LMOD1: variants seen among roughly 807,000 people sequenced by gnomAD.
LMOD1 encodes leiomodin-1.
LMOD1 carries 8 observed loss-of-function variants against 36.5 expected under a neutral mutation model. That is an observed-to-expected ratio of 0.22 (90% CI 0.13 to 0.40). The LOEUF is 0.40. Ranked by LOEUF, LMOD1 falls within the 10% of genes least tolerant of loss-of-function variation. The pLI is 1.00. For synonymous variants in LMOD1, 284 were observed against 288.7 expected (o/e 0.98, Z 0.17); for missense variants, 630 against 751.1 (o/e 0.84, Z 1.88).
At chr1:201,922,414 G>T (rs1022464957) in intron 1 of LMOD1, among the ~76,000 whole-genome samples, 4 of 152,112 alleles carry the variant, frequency 2.6e-5, no homozygotes, top group African/African-American at 7.2e-5. Context: ...GCCATTAAAA[G>T]GAATAAAGTA....
intron 1 of LMOD1, among the ~76,000 whole-genome samples, chr1:201,902,139 A>T (rs1681342002): frequency 6.6e-6 from 1 of 151,962 alleles, no homozygotes. Flanking sequence ...TCATTAAAAT[A>T]AGAAGGAGCT....
At chr1:201,935,319 CTTT>C (rs35542093) in intron 1 of LMOD1, among the ~76,000 whole-genome samples, 15 of 138,224 alleles carry the variant, frequency 1.1e-4, no homozygotes, top group Admixed American at 1.4e-4. Flanking sequence ...ATTTGATGTC[CTTT>C]TTTTTTTTTT....
chr1:201,929,217 C>A (rs1681879094), intron 1 of LMOD1, among the ~76,000 whole-genome samples: 1 of 151,980 alleles, frequency 6.6e-6, no homozygotes, highest in Non-Finnish European at 1.5e-5. Flanking sequence ...ATTCTCCTGC[C>A]TCAGCCTCCC....
At chr1:201,902,625 T>C (rs1024677549) in intron 1 of LMOD1, among the ~76,000 whole-genome samples, 2 of 152,110 alleles carry the variant, frequency 1.3e-5, no homozygotes, top group African/African-American at 4.8e-5. Context: ...TTTTGTATTT[T>C]TAGTAGAGAC....
At chr1:201,934,401 C>T (rs1048514495) in intron 1 of LMOD1, among the ~76,000 whole-genome samples, 11 of 152,184 alleles carry the variant, frequency 7.2e-5, no homozygotes, top group African/African-American at 2.4e-4. Flanking sequence ...ATCTCTGCTG[C>T]CTTCTCTCCT....
chr1:201,918,314 C>A (rs1681643192), intron 1 of LMOD1, among the ~76,000 whole-genome samples: 1 of 152,194 alleles, frequency 6.6e-6, no homozygotes, highest in Non-Finnish European at 1.5e-5. Context: ...TCATCTCTTG[C>A]CTCCCCACTG....
chr1:201,922,985 C>T (rs756530293), intron 1 of LMOD1, among the ~76,000 whole-genome samples: 2 of 152,094 alleles, frequency 1.3e-5, no homozygotes, highest in Admixed American at 6.6e-5. Flanking sequence ...CCACCATGCC[C>T]GGCTAACGTT....
Position 201,912,582 on chromosome 1 carries a change from G to A in LMOD1, c.262-11831C>T, listed in dbSNP as rs149415034. On this transcript the variant is annotated intron_variant, in intron 1 of 2. Transcript: ENST00000367288. ...ATGAATAAGAAAATGGTGTCAGCCA[G>A]GTGCGGTGGCTCATGCCTGTAATCC... is the stretch of plus-strand genomic sequence containing the variant. 7.9e-5 allele frequency among the ~76,000 whole-genome samples: 12 copies of A among 152,354 alleles called. No individual in the cohort carries two copies. In the East Asian group the frequency reaches 2.1e-3, roughly 27 times the overall value.
Position 201,900,097 on chromosome 1 carries a change from G to A in LMOD1, c.916C>T (p.Pro306Ser). 1 of 1,613,906 alleles carries A rather than the reference G, an allele frequency of 6.2e-7. No homozygotes were observed. Among genetic ancestry groups the A allele is most frequent in the Non-Finnish European group, 8.5e-7 (1 of 1,179,868 alleles). The part of the protein sequence containing the change: ...PSGPTKPSEG[P>S]AKVEEEAAPS... The stretch of plus-strand genomic sequence containing the variant: ...GCTGCCTCCTCCTCCACCTTGGCCG[G>A]TCCTTCAGAGGGCTTGGTGGGGCCA... Residue 306 changes from proline (P) to serine (S), a missense_variant, in exon 2 of 3, where the codon CCG becomes TCG. This residue lies in a region of LMOD1 where 405 missense variants were observed against 400.6 expected (regional missense o/e 1.01). Transcript: ENST00000367288.
At chr1:201,941,740 C>T (rs1373551567) in intron 1 of LMOD1, among the ~76,000 whole-genome samples, 1 of 152,216 alleles carries the variant, frequency 6.6e-6, no homozygotes, top group Non-Finnish European at 1.5e-5. Context: ...CAGGAGGGCT[C>T]AGGCCCAGCA....
intron 1 of LMOD1, among the ~76,000 whole-genome samples, chr1:201,921,415 G>A (rs780508814): frequency 6.9e-6 from 1 of 145,554 alleles, no homozygotes; most frequent in East Asian, 2.0e-4. Flanking sequence ...TTGACCCCAG[G>A]AGGTGGAGGT....
intron 1 of LMOD1, among the ~76,000 whole-genome samples, chr1:201,923,094 G>A (rs896344987): frequency 6.6e-6 from 1 of 152,134 alleles, no homozygotes; most frequent in African/African-American, 2.4e-5. Flanking sequence ...CAAAGTGCTG[G>A]GATTACAGGC....
At position 201,940,183 on chromosome 1, in the gene LMOD1, C is replaced by CTTT. The variant is rs34390949; in HGVS notation, c.261+5894_261+5896dup. ...CTTGCATTTTCCATCCAGCCAAGCTCTTTTTTTTTTTTTTTTTTTTTTGAG... is the reference window on the plus strand; with the variant it reads ...CTTGCATTTTCCATCCAGCCAAGCTCTTTTTTTTTTTTTTTTTTTTTTTTTGAG... On this transcript the variant is annotated intron_variant, in intron 1 of 2. Coordinates refer to ENST00000367288, the MANE Select transcript of LMOD1 (RefSeq NM_012134.3). Among the ~76,000 whole-genome samples the CTTT allele has an allele frequency of 1.9e-3, 233 of 123,394 alleles. 2 individuals are homozygous for CTTT. The highest frequency in any genetic ancestry group is 2.2e-3 in the Non-Finnish European group (132 of 58,746). The allele number at this position is 123,394 out of a possible 152,430, so 81.0% of individuals were successfully genotyped here.
Position 201,900,544 on chromosome 1 carries a change from C to T in LMOD1, c.469G>A (p.Gly157Ser), listed in dbSNP as rs1681282657. ...EKPKEEKIIR[G>S]IDKGRVRAAV... The stretch of plus-strand genomic sequence containing the variant: ...GCCCTGACCCGGCCCTTGTCAATGC[C>T]CCGGATGATCTTCTCCTCCTTGGGC... The change falls in exon 2 of 3, where the codon GGC becomes AGC. Residue 157 changes from glycine to serine, a missense_variant. By Grantham distance (56) the Gly-to-Ser change is moderately conservative (BLOSUM62 0). Coordinates refer to ENST00000367288, the MANE Select transcript of LMOD1 (RefSeq NM_012134.3). 2 of 1,613,738 alleles carry T rather than the reference C, an allele frequency of 1.2e-6. No homozygotes were observed. The highest frequency in any genetic ancestry group is 2.7e-5 in the African/African-American group (2 of 74,878).
At chr1:201,904,397 A>G (rs951918212) in intron 1 of LMOD1, among the ~76,000 whole-genome samples, 4 of 152,086 alleles carry the variant, frequency 2.6e-5, no homozygotes, top group Non-Finnish European at 5.9e-5. Context: ...TTTGGTAGAG[A>G]CGGGGTTTCT....
chr1:201,898,254 C>T lies in LMOD1; in HGVS notation c.*118G>A, dbSNP rs767515813. The T allele has an allele frequency of 3.9e-6, 4 of 1,013,630 alleles. No individual in the cohort carries two copies. The highest frequency in any genetic ancestry group is 6.1e-6 in the Non-Finnish European group (4 of 655,892). The allele number at this position is 1,013,630 out of a possible 1,614,324, so 62.8% of individuals were successfully genotyped here. A position where few individuals can be genotyped will look rare whatever the true frequency, so the allele number is the denominator to read the frequency against. ...GACCCAGGCCTGGACTCTCCCATGGCAGAATAGGGACATCCACAGCAGGTC... is the reference window on the plus strand; with the variant it reads ...GACCCAGGCCTGGACTCTCCCATGGTAGAATAGGGACATCCACAGCAGGTC... On this transcript the variant is annotated 3_prime_UTR_variant, in exon 3 of 3. Coordinates refer to ENST00000367288, the MANE Select transcript of LMOD1 (RefSeq NM_012134.3).
chr1:201,912,468 G>A (rs917385022), intron 1 of LMOD1, among the ~76,000 whole-genome samples: 1 of 152,050 alleles, frequency 6.6e-6, no homozygotes, highest in African/African-American at 2.4e-5. Flanking sequence ...GCAGGATCAG[G>A]GACATGAAAT....
chr1:201,919,232 G>A (rs528719714), intron 1 of LMOD1, among the ~76,000 whole-genome samples: 161 of 149,440 alleles, frequency 1.1e-3, no homozygotes, highest in Non-Finnish European at 2.1e-3. Context: ...TTTTTTTGGG[G>A]GGTCAGAGCC....
chr1:201,901,240 C>T (rs1185745175), intron 1 of LMOD1, among the ~76,000 whole-genome samples: 1 of 151,872 alleles, frequency 6.6e-6, no homozygotes, highest in Non-Finnish European at 1.5e-5. Flanking sequence ...CGCGGTGGCT[C>T]ATGCCTGTAA....
Sources: gnomAD v4.1 joint callset for allele counts (sites outside exome capture counted in the v4.1 genomes callset) on GRCh38, gnomAD v4.1.1 for gene constraint, gnomAD v4.1.1 regional missense constraint, MANE v1.5 for transcripts, NCBI Gene and HGNC (gene_info 2026-07-23, HGNC 2026-07-21) for gene names.